Variants in HCRTR2 observed in about 807,000 individuals in gnomAD.
HCRTR2 encodes the protein orexin receptor type 2.
In HCRTR2, 22 loss-of-function variants were observed where a neutral mutation model predicts 49.0. The observed-to-expected ratio is 0.45, with a 90% CI of 0.32 to 0.64. The LOEUF is 0.64. Among genes scored for constraint, HCRTR2 ranks in the 30% least tolerant of loss-of-function variants. HCRTR2 has a pLI of 0.04. For synonymous variants in HCRTR2, 236 were observed against 205.3 expected, an observed-to-expected ratio of 1.15 and a Z score of -1.28; for missense variants, 491 against 559.4, an observed-to-expected ratio of 0.88 and a Z score of 1.23.
At chr6:55,221,640 C>T (rs190023725) in intron 1 of HCRTR2, among the ~76,000 whole-genome samples, 20 of 151,838 alleles carry the variant, frequency 1.3e-4, no homozygotes, top group Non-Finnish European at 2.1e-4. Context: ...AGTGAAACCC[C>T]GTCTCTACTA....
intron 1 of HCRTR2, among the ~76,000 whole-genome samples, chr6:55,244,244 A>G (rs1766389259): frequency 6.6e-6 from 1 of 152,110 alleles, no homozygotes; most frequent in South Asian, 2.1e-4. Context: ...TAATACAACA[A>G]GACATTGTGC....
chr6:55,216,881 C>T (rs183722218), intron 1 of HCRTR2, among the ~76,000 whole-genome samples: 1 of 152,352 alleles, frequency 6.6e-6, no homozygotes, highest in Admixed American at 6.5e-5. Flanking sequence ...TGACAAGTCT[C>T]TGCCTGGGTC....
chr6:55,170,113 G>A (rs2127266766), upstream of HCRTR2, among the ~76,000 whole-genome samples: 1 of 151,316 alleles, frequency 6.6e-6, no homozygotes, highest in Middle Eastern at 3.5e-3. Flanking sequence ...TCCAGTTAGT[G>A]AAAGAGCTAA....
chr6:55,147,609 G>A (rs1400160037), intron 1 of HCRTR2, among the ~76,000 whole-genome samples: 1 of 152,080 alleles, frequency 6.6e-6, no homozygotes, highest in Non-Finnish European at 1.5e-5. Context: ...GGTCTCTCAG[G>A]TTCAGTACAA....
intron 1 of HCRTR2, among the ~76,000 whole-genome samples, chr6:55,144,357 C>T (rs1429878638): frequency 6.6e-6 from 1 of 151,992 alleles, no homozygotes; most frequent in Non-Finnish European, 1.5e-5. Flanking sequence ...CTCAAGTGAT[C>T]CACCCGCCTT....
intron 1 of HCRTR2, among the ~76,000 whole-genome samples, chr6:55,122,956 G>T (rs1349898092): frequency 2.4e-5 from 3 of 127,464 alleles, no homozygotes; most frequent in Non-Finnish European, 4.8e-5. Flanking sequence ...ATCACACACT[G>T]GGGCCTGTTG....
intron 1 of HCRTR2, among the ~76,000 whole-genome samples, chr6:55,210,724 T>C (rs573235535): frequency 1.3e-5 from 2 of 152,284 alleles, no homozygotes; most frequent in Admixed American, 1.3e-4. Flanking sequence ...GTAAGACATA[T>C]TTGCATCCTT....
chr6:55,202,071 G>A (rs1765521843), intron 1 of HCRTR2, among the ~76,000 whole-genome samples: 1 of 152,094 alleles, frequency 6.6e-6, no homozygotes, highest in Non-Finnish European at 1.5e-5. Context: ...GTAAGTTCAA[G>A]GTTATAAGAG....
intron 1 of HCRTR2, among the ~76,000 whole-genome samples, chr6:55,138,387 G>C (rs1334662188): frequency 4.6e-5 from 7 of 152,156 alleles, no homozygotes; most frequent in Admixed American, 2.0e-4. Context: ...CTGCTAAGGT[G>C]AACTTGATCA....
intron 1 of HCRTR2, among the ~76,000 whole-genome samples, chr6:55,123,063 A>G (rs915394109): frequency 6.6e-6 from 1 of 151,986 alleles, no homozygotes; most frequent in Non-Finnish European, 1.5e-5. Context: ...ACATATGTAC[A>G]TATGTAACAA....
intron 1 of HCRTR2, among the ~76,000 whole-genome samples, chr6:55,152,097 G>A (rs1310078632): frequency 6.6e-6 from 1 of 151,924 alleles, no homozygotes; most frequent in Non-Finnish European, 1.5e-5. Context: ...TTAATTCTTA[G>A]GGGTATGCCT....
rs35555419 is a variant in HCRTR2, at chr6:55,109,680, ATT to A, written c.-378+3144_-378+3145del. ...AATCTGATAAAGACAAAGAAAAAAG[ATT>A]TTTTTTTTAATGAAAAAAGCCTCCA... On this transcript the variant is annotated intron_variant, in intron 1 of 7. Transcript: ENST00000615358. Among the ~76,000 whole-genome samples the A allele has an allele frequency of 7.0e-4, 106 of 151,094 alleles. No individual in the cohort carries two copies. The South Asian group carries it at 0.017, about 24-fold the overall frequency.
intron 4 of HCRTR2, among the ~76,000 whole-genome samples, chr6:55,272,810 A>G (rs942604518): frequency 5.9e-5 from 9 of 151,882 alleles, no homozygotes; most frequent in Non-Finnish European, 1.0e-4. Context: ...CTATTCCATG[A>G]AACCATATAT....
At chr6:55,250,425 T>C (rs1446853498) in intron 2 of HCRTR2, among the ~76,000 whole-genome samples, 1 of 152,168 alleles carries the variant, frequency 6.6e-6, no homozygotes, top group Non-Finnish European at 1.5e-5. Context: ...CCTCTCTTGG[T>C]TTCAATAACT....
chr6:55,181,366 C>T (rs534338820), intron 1 of HCRTR2, among the ~76,000 whole-genome samples: 27 of 151,944 alleles, frequency 1.8e-4, no homozygotes, highest in African/African-American at 5.8e-4. Flanking sequence ...TGAATTAAAT[C>T]GATATTTAAA....
At chr6:55,251,491 C>A (rs555983945) in intron 2 of HCRTR2, among the ~76,000 whole-genome samples, 2 of 152,072 alleles carry the variant, frequency 1.3e-5, no homozygotes, top group African/African-American at 4.8e-5. Flanking sequence ...CCAACAATGA[C>A]AAGAGCATTG....
At chr6:55,226,761 A>G (rs1474779983) in intron 1 of HCRTR2, among the ~76,000 whole-genome samples, 1 of 110,538 alleles carries the variant, frequency 9.0e-6, no homozygotes, top group Non-Finnish European at 1.6e-5. Context: ...TCTGTCGCCC[A>G]GGCCTGGAGT....
At chr6:55,203,547 GT>G (rs1330981802) in intron 1 of HCRTR2, among the ~76,000 whole-genome samples, 2 of 152,060 alleles carry the variant, frequency 1.3e-5, no homozygotes, top group Non-Finnish European at 2.9e-5. Context: ...TTTAGATGAA[GT>G]TAAGTGCTAT....
chr6:55,216,525 A>T (rs1267416084), intron 1 of HCRTR2, among the ~76,000 whole-genome samples: 1 of 152,212 alleles, frequency 6.6e-6, no homozygotes, highest in Non-Finnish European at 1.5e-5. Flanking sequence ...AGGGAAAATA[A>T]ACTAGAAGAA....
Sources: allele counts gnomAD v4.1 joint callset (sites outside exome capture counted in the v4.1 genomes callset), GRCh38; gene constraint gnomAD v4.1.1; transcripts MANE v1.5; gene names NCBI Gene and HGNC (gene_info 2026-07-23, HGNC 2026-07-21).